The following ZMAT4 variants were observed in gnomAD, a reference collection of about 807,000 sequenced individuals.
ZMAT4 encodes the protein zinc finger matrin-type protein 4.
Under a neutral mutation model 28.7 loss-of-function variants are expected in ZMAT4, and 17 were observed. That is an observed-to-expected ratio of 0.59 (90% CI 0.41 to 0.89). ZMAT4 has a LOEUF of 0.89. Ranked by LOEUF, ZMAT4 falls within the 40% of genes least tolerant of loss-of-function variation. ZMAT4 has a pLI of 0.00. For missense variants in ZMAT4, 240 were observed against 283.8 expected, an observed-to-expected ratio of 0.85 and a Z score of 1.11; for synonymous variants, 117 against 109.2, an observed-to-expected ratio of 1.07 and a Z score of -0.44.
chr8:40,681,529 T>G (rs1809165526), intron 4 of ZMAT4, among the ~76,000 whole-genome samples: 1 of 152,212 alleles, frequency 6.6e-6, no homozygotes, highest in Non-Finnish European at 1.5e-5. Flanking sequence ...TCTGTAGTGC[T>G]GTCACCACAC....
At chr8:40,850,759 T>C (rs1003476527) in intron 1 of ZMAT4, among the ~76,000 whole-genome samples, 2 of 152,208 alleles carry the variant, frequency 1.3e-5, no homozygotes, top group East Asian at 3.8e-4. Context: ...CCTCACCTTA[T>C]GCCTCTCCTT....
At chr8:40,875,964 C>T (rs1256479553) in intron 1 of ZMAT4, among the ~76,000 whole-genome samples, 1 of 152,158 alleles carries the variant, frequency 6.6e-6, no homozygotes, top group African/African-American at 2.4e-5. Flanking sequence ...TATTAACCCA[C>T]TAGACCAAGG....
At chr8:40,816,237 A>C (rs770065094) in intron 2 of ZMAT4, among the ~76,000 whole-genome samples, 4 of 152,166 alleles carry the variant, frequency 2.6e-5, no homozygotes, top group Non-Finnish European at 4.4e-5. Flanking sequence ...TGTCCTGTGC[A>C]GTCACCCACA....
chr8:40,811,339 A>G (rs1477798390), intron 2 of ZMAT4, among the ~76,000 whole-genome samples: 2 of 152,190 alleles, frequency 1.3e-5, no homozygotes, highest in African/African-American at 4.8e-5. Flanking sequence ...GTATATTTCC[A>G]TAGGGAAAGG....
intron 1 of ZMAT4, among the ~76,000 whole-genome samples, chr8:40,845,822 G>A (rs1236479728): frequency 6.6e-6 from 1 of 151,594 alleles, no homozygotes; most frequent in Non-Finnish European, 1.5e-5. Flanking sequence ...GGGTGGAGGG[G>A]GCAGGGAGGG....
intron 2 of ZMAT4, among the ~76,000 whole-genome samples, chr8:40,813,624 A>T (rs1334451988): frequency 1.3e-5 from 2 of 152,258 alleles, no homozygotes; most frequent in African/African-American, 4.8e-5. Context: ...CCATAAGGTT[A>T]TACACGGGAG....
intron 5 of ZMAT4, among the ~76,000 whole-genome samples, chr8:40,651,546 AT>A (rs1807650502): frequency 6.7e-6 from 1 of 148,840 alleles, no homozygotes; most frequent in South Asian, 2.2e-4. Context: ...CAAGCTACCA[AT>A]GCCTTTCTTC....
chr8:40,793,699 T>C lies in ZMAT4; in HGVS notation c.103-25969A>G, dbSNP rs544506630. Among the ~76,000 whole-genome samples, 4 of 152,328 alleles carry C rather than the reference T, an allele frequency of 2.6e-5. No individual in the cohort carries two copies. In the South Asian group the frequency reaches 8.3e-4, roughly 32 times the overall value. ...TCCCCAATGTTTTCAAACCTGCTGG[T>C]CTGTGAGGACCAGAGCCACTGATTT... On this transcript the variant is annotated intron_variant, in intron 2 of 6. Coordinates refer to ENST00000297737, the MANE Select transcript of ZMAT4 (RefSeq NM_024645.3).
At chr8:40,758,692 A>G (rs574023472) in intron 3 of ZMAT4, among the ~76,000 whole-genome samples, 1 of 152,364 alleles carries the variant, frequency 6.6e-6, no homozygotes, top group East Asian at 1.9e-4. Context: ...GGTCTCTAGA[A>G]GGAAGCAAAG....
intron 5 of ZMAT4, among the ~76,000 whole-genome samples, chr8:40,627,645 C>T (rs1317393335): frequency 6.6e-6 from 1 of 152,138 alleles, no homozygotes; most frequent in Non-Finnish European, 1.5e-5. Flanking sequence ...CATCTTATGC[C>T]TGTGAGATTT....
intron 2 of ZMAT4, among the ~76,000 whole-genome samples, chr8:40,804,550 T>C (rs1814993648): frequency 6.6e-6 from 1 of 152,112 alleles, no homozygotes; most frequent in East Asian, 1.9e-4. Context: ...TTTTAAAATA[T>C]TAAGACCAGG....
At chr8:40,715,107 A>G (rs1189625911) in intron 3 of ZMAT4, among the ~76,000 whole-genome samples, 1 of 150,980 alleles carries the variant, frequency 6.6e-6, no homozygotes, top group Non-Finnish European at 1.5e-5. Context: ...CTCGCTATGG[A>G]AGGGACTTTT....
chr8:40,798,506 CT>C (rs34827179), intron 2 of ZMAT4, among the ~76,000 whole-genome samples: 1 of 152,174 alleles, frequency 6.6e-6, no homozygotes, highest in Non-Finnish European at 1.5e-5. Context: ...ATACCTCTTA[CT>C]CCCTGACTGA....
At chr8:40,637,749 C>T (rs1046178773) in intron 5 of ZMAT4, among the ~76,000 whole-genome samples, 1 of 152,170 alleles carries the variant, frequency 6.6e-6, no homozygotes, top group African/African-American at 2.4e-5. Flanking sequence ...CCTTCCTGGA[C>T]CCACCTTGCT....
intron 5 of ZMAT4, among the ~76,000 whole-genome samples, chr8:40,587,686 A>G (rs896393869): frequency 1.3e-5 from 2 of 152,120 alleles, no homozygotes; most frequent in African/African-American, 4.8e-5. Flanking sequence ...AAAATAAGGC[A>G]GAAAAGAAGG....
At chr8:40,756,691 T>C (rs923269877) in intron 3 of ZMAT4, among the ~76,000 whole-genome samples, 2 of 149,818 alleles carry the variant, frequency 1.3e-5, no homozygotes, top group Non-Finnish European at 3.0e-5. Flanking sequence ...TTATTTGTGG[T>C]AGTTCTGTTC....
intron 3 of ZMAT4, among the ~76,000 whole-genome samples, chr8:40,727,433 G>C (rs1811359824): frequency 6.6e-6 from 1 of 152,166 alleles, no homozygotes; most frequent in South Asian, 2.1e-4. Context: ...GACTGACAAG[G>C]AGGCAAAGGC....
chr8:40,590,727 G>GTA (rs1274547374), intron 5 of ZMAT4, among the ~76,000 whole-genome samples: 3 of 151,984 alleles, frequency 2.0e-5, no homozygotes, highest in Non-Finnish European at 4.4e-5. Flanking sequence ...GTGTGTGTGT[G>GTA]TGTGTGAGTC....
At chr8:40,844,168 T>C (rs894827592) in intron 1 of ZMAT4, among the ~76,000 whole-genome samples, 1 of 152,178 alleles carries the variant, frequency 6.6e-6, no homozygotes, top group South Asian at 2.1e-4. Context: ...GTAAATAAAA[T>C]AATAATTTAC....
Sources: allele counts gnomAD v4.1 joint callset (sites outside exome capture counted in the v4.1 genomes callset), GRCh38; gene constraint gnomAD v4.1.1; transcripts MANE v1.5; gene names NCBI Gene and HGNC (gene_info 2026-07-23, HGNC 2026-07-21).